Variants in CTDSP1 observed in about 807,000 individuals in gnomAD.
CTDSP1 encodes the protein carboxy-terminal domain RNA polymerase II polypeptide A small phosphatase 1.
CTDSP1 carries 15 observed loss-of-function variants against 32.5 expected under a neutral mutation model. That is an observed-to-expected ratio of 0.46 (90% confidence interval 0.31 to 0.71). The LOEUF is 0.71. CTDSP1 is among the 30% of genes least tolerant of loss of function. The probability of loss-of-function intolerance (pLI) is 0.05; values close to 1 mark genes in which losing one functional copy is unlikely to be tolerated. For synonymous variants in CTDSP1, 185 were observed against 145.4 expected (o/e 1.27, Z -1.96); for missense variants, 294 against 351.1 (o/e 0.84, Z 1.30).
Position 218,400,122 on chromosome 2 carries a change from G to A in CTDSP1, c.32G>A (p.Ser11Asn), listed in dbSNP as rs769541036. 1 of 1,545,508 alleles carries A rather than the reference G, an allele frequency of 6.5e-7. No individual in the cohort carries two copies. The highest frequency in any genetic ancestry group is 8.7e-7 in the Non-Finnish European group (1 of 1,145,266). MDSSAVITQI[S>N]KEEARGPLRG... Reference sequence around the variant, plus strand: ...AGCTCGGCCGTCATTACTCAGATCAGCAAGGAGGAGGCTCGGGGCCCGCTG... The same window carrying A: ...AGCTCGGCCGTCATTACTCAGATCAACAAGGAGGAGGCTCGGGGCCCGCTG... Residue 11 changes from serine (S) to asparagine (N), a missense_variant, in exon 1 of 7, where the codon AGC becomes AAC. By Grantham distance (46) the Ser-to-Asn change is conservative. This residue lies in a region of CTDSP1 where 148 missense variants were observed against 113.3 expected (regional missense o/e 1.31). Coordinates refer to ENST00000273062, the MANE Select transcript of CTDSP1 (RefSeq NM_021198.3).
At chr2:218,403,660 G>A (rs1697272341) in intron 6 of CTDSP1, 1 of 426,230 alleles carries the variant, frequency 2.3e-6, no homozygotes, top group Non-Finnish European at 4.1e-6. Context: ...CAGGGCAACG[G>A]AGTTTGGAAA....
upstream of CTDSP1, among the ~76,000 whole-genome samples, chr2:218,397,868 T>C (rs942473561): frequency 2.6e-5 from 4 of 152,126 alleles, no homozygotes; most frequent in Non-Finnish European, 2.9e-5. Flanking sequence ...CTCTGCCGCT[T>C]TGGGAGCCTG....
At chr2:218,404,059 CAAA>C (rs762447631) in intron 6 of CTDSP1, among the ~76,000 whole-genome samples, 6 of 134,572 alleles carry the variant, frequency 4.5e-5, no homozygotes, top group Non-Finnish European at 6.4e-5. Context: ...GACCCTGCCT[CAAA>C]AAAAAAAAAA....
rs779899761 is a variant in CTDSP1 at position 218,401,760 on chromosome 2, C to G, written c.216+48C>G. The G allele has an allele frequency of 7.4e-6, 11 of 1,494,198 alleles. No individual in the cohort carries two copies. The African/African-American group carries it at 1.4e-4, about 19-fold the overall frequency. 92.6% of individuals were successfully genotyped at this position (1,494,198 alleles called of 1,614,324 possible). On this transcript the variant is annotated intron_variant, in intron 2 of 6. Coordinates refer to ENST00000273062, the MANE Select transcript of CTDSP1 (RefSeq NM_021198.3). Reference sequence around the variant, plus strand: ...CACGGGGGCACCTGGACTCAGTCTTCAGGGCTTTAGGGGAAGGGGCTCCTG... The same window carrying G: ...CACGGGGGCACCTGGACTCAGTCTTGAGGGCTTTAGGGGAAGGGGCTCCTG...
chr2:218,401,277 G>A (rs1697121804), intron 1 of CTDSP1: 1 of 501,880 alleles, frequency 2.0e-6, no homozygotes. Context: ...GAGGCTGTGA[G>A]AGGCAGGGAG....
chr2:218,399,810 G>T (rs989769629), upstream of CTDSP1: 6 of 1,143,772 alleles, frequency 5.2e-6, no homozygotes, highest in South Asian at 4.0e-5. Flanking sequence ...TCCAGGTCAC[G>T]CCGAAGCCGT....
At chr2:218,398,734 G>A (rs1013029770), upstream of CTDSP1, 12 of 307,622 alleles carry the variant, frequency 3.9e-5, no homozygotes, top group South Asian at 1.6e-4. Context: ...AAGTGCCGAG[G>A]GGTGTTTGTC....
At chr2:218,402,634 GC>G in intron 4 of CTDSP1, 1 of 763,164 alleles carries the variant, frequency 1.3e-6, no homozygotes, top group Non-Finnish European at 2.4e-6. Flanking sequence ...GTGCTCCCTC[GC>G]CCCACCCTGC....
intron 1 of CTDSP1, chr2:218,401,102 T>A (rs2106361815): frequency 2.7e-6 from 1 of 372,528 alleles, no homozygotes. Flanking sequence ...CCCCTGCCTC[T>A]GGGCCCAGCC....
intron 4 of CTDSP1, 32 bp downstream of exon 4, chr2:218,402,437 G>A: frequency 6.3e-7 from 1 of 1,592,830 alleles, no homozygotes; most frequent in Non-Finnish European, 8.6e-7. Context: ...TGGTGGGCTT[G>A]GCATCTGCCT....
At chr2:218,401,486 G>T in intron 1 of CTDSP1, 78 bp from the exon 2 acceptor site, 3 of 1,520,796 alleles carry the variant, frequency 2.0e-6, no homozygotes, top group Non-Finnish European at 2.7e-6. Context: ...CTGGCTCAGG[G>T]GTTCACACCT....
intron 6 of CTDSP1, 27 bp from the exon 7 acceptor site, chr2:218,404,270 C>G (rs752688277): frequency 1.2e-6 from 2 of 1,610,400 alleles, no homozygotes; most frequent in Admixed American, 1.7e-5. Context: ...ACCTGCCCCC[C>G]TCATCTTCCT....
At chr2:218,400,228 C>A in intron 1 of CTDSP1, 71 bp downstream of exon 1, 1 of 1,408,840 alleles carries the variant, frequency 7.1e-7, no homozygotes. Context: ...GGATCTTCCC[C>A]AGGGGAGCCG....
At chr2:218,401,198 C>T (rs895255514) in intron 1 of CTDSP1, 7 of 372,786 alleles carry the variant, frequency 1.9e-5, no homozygotes, top group Non-Finnish European at 3.7e-5. Context: ...CCTGGCTGTC[C>T]TGAGCAGGGG....
rs759532806 is a variant in CTDSP1 at position 218,401,656 on chromosome 2, C to A, written c.160C>A (p.Leu54Met). ...TGTCTGCCGGGATGATGGGGAGGCCCTGCCTGCTCACAGCGGGGCGCCCCT... is the reference window on the plus strand; with the variant it reads ...TGTCTGCCGGGATGATGGGGAGGCCATGCCTGCTCACAGCGGGGCGCCCCT... ...CCVCRDDGEALPAHSGAPLLV... is the reference protein window; with the variant it reads ...CCVCRDDGEAMPAHSGAPLLV... Residue 54 changes from leucine to methionine, a missense_variant, in exon 2 of 7, where the codon CTG (leucine) becomes ATG (methionine). Leu to Met is a conservative substitution (Grantham distance 15). Coordinates refer to ENST00000273062, the MANE Select transcript of CTDSP1 (RefSeq NM_021198.3). The A allele has an allele frequency of 6.2e-7, 1 of 1,611,574 alleles. No individual in the cohort carries two copies. The highest frequency in any genetic ancestry group is 2.2e-5 in the East Asian group (1 of 44,848).
upstream of CTDSP1, among the ~76,000 whole-genome samples, chr2:218,397,164 G>A (rs1218379532): frequency 1.3e-5 from 2 of 152,168 alleles, no homozygotes; most frequent in African/African-American, 2.4e-5. Flanking sequence ...CAGAGTAATG[G>A]GCAGGTTGGT....
At chr2:218,399,826 T>C, upstream of CTDSP1, 1 of 1,185,592 alleles carries the variant, frequency 8.4e-7, no homozygotes, top group Non-Finnish European at 1.0e-6. Context: ...GCCGTTGCCC[T>C]TTTAAGGGGG....
At chr2:218,398,405 G>C, upstream of CTDSP1, 1 of 1,535,478 alleles carries the variant, frequency 6.5e-7, no homozygotes, top group Non-Finnish European at 8.7e-7. Flanking sequence ...TCACGGTGAT[G>C]AAGCGCAATG....
chr2:218,402,316 C>T lies in CTDSP1; in HGVS notation c.322-33C>T, dbSNP rs745529377. 41 of 1,613,810 alleles carry T rather than the reference C, an allele frequency of 2.5e-5. No homozygotes were observed. In the Admixed American group the frequency reaches 5.5e-4, roughly 22 times the overall value. On this transcript the variant is annotated intron_variant, in intron 3 of 6. Coordinates refer to ENST00000273062, the MANE Select transcript of CTDSP1 (RefSeq NM_021198.3). Reference sequence around the variant, plus strand: ...CTGGACCCCATGCCCTGGGGCTCCTCCTCCAACTCCAGCAGCTCTTTTCCC... The same window carrying T: ...CTGGACCCCATGCCCTGGGGCTCCTTCTCCAACTCCAGCAGCTCTTTTCCC...
Sources: gnomAD v4.1 joint callset for allele counts (sites outside exome capture counted in the v4.1 genomes callset) on GRCh38, gnomAD v4.1.1 for gene constraint, gnomAD v4.1.1 regional missense constraint, MANE v1.5 for transcripts, NCBI Gene and HGNC (gene_info 2026-07-23, HGNC 2026-07-21) for gene names.